The following RUNX2 variants were observed in gnomAD, a reference collection of about 807,000 sequenced individuals.
RUNX2 encodes the protein runt-related transcription factor 2.
Under a neutral mutation model 51.7 loss-of-function variants are expected in RUNX2, and 10 were observed. The observed-to-expected ratio is 0.19, with a 90% CI of 0.12 to 0.33. The LOEUF is 0.33. Among genes scored for constraint, RUNX2 ranks in the 10% least tolerant of loss-of-function variants. The pLI is 1.00. For missense variants in RUNX2, 562 were observed against 691.3 expected, an observed-to-expected ratio of 0.81 and a Z score of 2.10; for synonymous variants, 276 against 273.6, an observed-to-expected ratio of 1.01 and a Z score of -0.09.
chr6:45,364,006 T>A (rs1341762853), intron 2 of RUNX2, among the ~76,000 whole-genome samples: 1 of 151,900 alleles, frequency 6.6e-6, no homozygotes, highest in Non-Finnish European at 1.5e-5. Flanking sequence ...TCTCAGCTAC[T>A]TGGGAGGCTG....
At chr6:45,445,709 A>G (rs1012784992) in intron 5 of RUNX2, among the ~76,000 whole-genome samples, 2 of 152,124 alleles carry the variant, frequency 1.3e-5, no homozygotes, top group African/African-American at 4.8e-5. Flanking sequence ...TGTCATAGAT[A>G]TTAATCACTT....
intron 2 of RUNX2, among the ~76,000 whole-genome samples, chr6:45,416,026 A>G (rs1429740200): frequency 6.6e-6 from 1 of 152,220 alleles, no homozygotes; most frequent in Non-Finnish European, 1.5e-5. Context: ...TTATGACTAG[A>G]TGGGAAGAAG....
At chr6:45,345,050 G>A (rs902503536) in intron 2 of RUNX2, among the ~76,000 whole-genome samples, 1 of 152,098 alleles carries the variant, frequency 6.6e-6, no homozygotes, top group South Asian at 2.1e-4. Context: ...ACATTAAAAC[G>A]TTCCTCATGG....
chr6:45,448,751 C>T (rs1017004833), intron 5 of RUNX2, among the ~76,000 whole-genome samples: 5 of 152,066 alleles, frequency 3.3e-5, no homozygotes, highest in African/African-American at 4.8e-5. Context: ...TGGGTAAAAA[C>T]GCTAGCATGT....
chr6:45,530,186 C>A (rs1039952247), intron 7 of RUNX2, among the ~76,000 whole-genome samples: 1 of 152,222 alleles, frequency 6.6e-6, no homozygotes, highest in Non-Finnish European at 1.5e-5. Context: ...AAAACTATTT[C>A]TCCAAAGTGA....
rs148872139 is a variant in RUNX2, at chr6:45,544,934, C to T, written c.1022-283C>T. On this transcript the variant is annotated intron_variant, in intron 7 of 8. Transcript: ENST00000647337. ...CGTTTTTGGGAGGAATAGGTAGAGGCTAGTTGAGGATGGAAGAATTTATAA... is the reference window on the plus strand; with the variant it reads ...CGTTTTTGGGAGGAATAGGTAGAGGTTAGTTGAGGATGGAAGAATTTATAA... Among the ~76,000 whole-genome samples, 810 of 152,264 alleles carry T rather than the reference C, an allele frequency of 5.3e-3. 1 individual carries two copies. The highest frequency in any genetic ancestry group is 9.3e-3 in the Non-Finnish European group (631 of 68,028).
intron 2 of RUNX2, among the ~76,000 whole-genome samples, chr6:45,338,567 C>T (rs1789101158): frequency 6.6e-6 from 1 of 152,008 alleles, no homozygotes; most frequent in Admixed American, 6.6e-5. Context: ...CAGTGTCAAA[C>T]AAGATTCTGC....
intron 2 of RUNX2, among the ~76,000 whole-genome samples, chr6:45,351,957 T>A (rs1792142001): frequency 6.6e-6 from 1 of 152,092 alleles, no homozygotes; most frequent in Non-Finnish European, 1.5e-5. Context: ...CTAATTAGCT[T>A]TCTGTCCCTA....
intron 6 of RUNX2, among the ~76,000 whole-genome samples, chr6:45,509,328 A>T (rs1801072945): frequency 6.6e-6 from 1 of 152,206 alleles, no homozygotes; most frequent in African/African-American, 2.4e-5. Flanking sequence ...CATTATATAG[A>T]TAGCTCTTGT....
At chr6:45,468,842 T>G (rs765728275) in intron 5 of RUNX2, among the ~76,000 whole-genome samples, 15 of 152,290 alleles carry the variant, frequency 9.8e-5, no homozygotes, top group South Asian at 8.3e-4. Flanking sequence ...CCCCCAATCA[T>G]GTAACAATCA....
rs376928739 is a variant in RUNX2, at chr6:45,547,346, C to A, written c.*41C>A. On this transcript the variant is annotated 3_prime_UTR_variant, in exon 9 of 9. Transcript: ENST00000647337. ...GCCCAGTGGTATCTGGGGGCCACAT[C>A]CCACACGTATCAATATATACATATA... The A allele has an allele frequency of 2.8e-6, 4 of 1,412,102 alleles. No individual in the cohort carries two copies. In the African/African-American group the frequency reaches 5.6e-5, roughly 20 times the overall value. The allele number at this position is 1,412,102 out of a possible 1,614,324, so 87.5% of individuals were successfully genotyped here. A position where few individuals can be genotyped will look rare whatever the true frequency, so the allele number is the denominator to read the frequency against.
chr6:45,384,269 GTTTT>G (rs199628760), intron 2 of RUNX2, among the ~76,000 whole-genome samples: 5 of 151,096 alleles, frequency 3.3e-5, no homozygotes, highest in African/African-American at 4.8e-5. Flanking sequence ...AGTGGTTGGG[GTTTT>G]TTTTGTTTGT....
At chr6:45,408,384 A>G (rs370457669) in intron 2 of RUNX2, among the ~76,000 whole-genome samples, 2 of 152,004 alleles carry the variant, frequency 1.3e-5, no homozygotes, top group East Asian at 3.9e-4. Flanking sequence ...AGTATATATG[A>G]CTTTGAGGAT....
chr6:45,438,100 C>A, intron 5 of RUNX2, 49 bp downstream of exon 5: 1 of 1,186,016 alleles, frequency 8.4e-7, no homozygotes, highest in Non-Finnish European at 1.3e-6. Context: ...TTCCAGAGAC[C>A]CTATGAGGAA....
chr6:45,401,766 A>G, intron 2 of RUNX2, among the ~76,000 whole-genome samples: 1 of 152,210 alleles, frequency 6.6e-6, no homozygotes, highest in East Asian at 1.9e-4. Context: ...ACATCTTCCT[A>G]ATGTAGACGT....
intron 5 of RUNX2, among the ~76,000 whole-genome samples, chr6:45,455,919 T>A (rs1366048332): frequency 6.6e-6 from 1 of 152,244 alleles, no homozygotes; most frequent in African/African-American, 2.4e-5. Context: ...AATCATACTT[T>A]TAGTTTTTGA....
At chr6:45,502,075 G>C (rs1196166311) in intron 6 of RUNX2, among the ~76,000 whole-genome samples, 2 of 152,158 alleles carry the variant, frequency 1.3e-5, no homozygotes, top group Admixed American at 6.5e-5. Context: ...TTATAGGGAG[G>C]CATATTTTAC....
At chr6:45,505,034 G>A (rs1014132487) in intron 6 of RUNX2, among the ~76,000 whole-genome samples, 2 of 152,180 alleles carry the variant, frequency 1.3e-5, no homozygotes, top group African/African-American at 2.4e-5. Context: ...CCTGCTGGCC[G>A]CAGGAACAGG....
At chr6:45,417,349 A>C (rs1338149460) in intron 2 of RUNX2, among the ~76,000 whole-genome samples, 1 of 152,210 alleles carries the variant, frequency 6.6e-6, no homozygotes, top group Non-Finnish European at 1.5e-5. Flanking sequence ...AAATGCTGAC[A>C]TATGGAGATG....
Sources: gnomAD v4.1 joint callset for allele counts (sites outside exome capture counted in the v4.1 genomes callset) on GRCh38, gnomAD v4.1.1 for gene constraint, MANE v1.5 for transcripts, NCBI Gene and HGNC (gene_info 2026-07-23, HGNC 2026-07-21) for gene names.